The following CELF2 variants were observed in gnomAD, a reference collection of about 807,000 sequenced individuals.
The protein encoded by CELF2 is CUG triplet repeat RNA-binding protein 2.
CELF2 carries 8 observed loss-of-function variants against 62.6 expected under a neutral mutation model. The observed-to-expected ratio is 0.13, with a 90% CI of 0.07 to 0.23. The LOEUF (loss-of-function observed/expected upper bound fraction) is 0.23. Ranked by LOEUF, CELF2 falls within the 10% of genes least tolerant of loss-of-function variation. CELF2 has a pLI of 1.00. For missense variants in CELF2, 333 were observed against 671.0 expected (o/e 0.50, Z 5.56); for synonymous variants, 258 against 250.0 (o/e 1.03, Z -0.30).
At chr10:10,530,212 C>T in the CELF2 span, among the ~76,000 whole-genome samples, 1 of 152,236 alleles carries the variant, frequency 6.6e-6, no homozygotes, top group African/African-American at 2.4e-5. Context: ...GTAGGACGTT[C>T]CCAAAAGTAA....
chr10:11,165,064 A>C lies in CELF2; in HGVS notation c.75-422A>C. 1.0e-6 allele frequency: 1 copy of C among 989,588 alleles called. No individual in the cohort carries two copies. Among genetic ancestry groups the C allele is most frequent in the Non-Finnish European group, 1.2e-6 (1 of 832,280 alleles). The allele number at this position is 989,588 out of a possible 1,614,324, so 61.3% of individuals were successfully genotyped here. A position where few individuals can be genotyped will look rare whatever the true frequency, so the allele number is the denominator to read the frequency against. On this transcript the variant is annotated intron_variant, in intron 1 of 12. Transcript: ENST00000633077. The surrounding 1 kb of genome is among the most constrained non-coding windows in gnomAD (Gnocchi z 7.4). ...GTGGGGCGGGGGGCGGGGCAGGGAG[A>C]GGGAGAGAAATCCAGCAGACATCTA...
intron 8 of CELF2, among the ~76,000 whole-genome samples, chr10:11,284,335 T>G (rs111171595): frequency 6.8e-4 from 70 of 103,510 alleles, no homozygotes; most frequent in South Asian, 1.6e-3. Flanking sequence ...GGGTGGATGA[T>G]GGATGAGTGT....
In CELF2 at chr10:11,333,752, A is replaced by ATTGT. The variant is rs915116406; in HGVS notation, c.*4706_*4709dup. 1 of 152,474 alleles carries ATTGT rather than the reference A, an allele frequency of 6.6e-6. No individual in the cohort carries two copies. The highest frequency in any genetic ancestry group is 1.9e-4 in the East Asian group (1 of 5,204). 9.4% of individuals were successfully genotyped at this position (152,474 alleles called of 1,614,324 possible). ...GTGGAAACTGTAAGACCATTTGAGT[A>ATTGT]TTGTTTGTTTTATTGATGCATTTGG... is the stretch of plus-strand genomic sequence containing the variant. On this transcript the variant is annotated 3_prime_UTR_variant, in exon 13 of 13. Coordinates refer to ENST00000633077, the MANE Select transcript of CELF2 (RefSeq NM_001326342.2).
At chr10:10,609,951 G>A in the CELF2 span, among the ~76,000 whole-genome samples, 8 of 152,204 alleles carry the variant, frequency 5.3e-5, no homozygotes, top group African/African-American at 1.9e-4. Context: ...ACTAATCACT[G>A]TGGTTAAGGA....
chr10:10,634,666 C>CTT, the CELF2 span, among the ~76,000 whole-genome samples: 11,332 of 140,914 alleles, frequency 0.08, 698 homozygotes, highest in East Asian at 0.24. Context: ...CTTTTCTTTT[C>CTT]TTTTTTTTTT....
rs78409578 is a variant in CELF2, at chr10:11,112,062, A to C, written c.75-53424A>C. ...TTTCTGGTCTCCAGTTTTGGCTTTCAAGGAGACCTCTTAGATATTTGTACC... is the reference window on the plus strand; with the variant it reads ...TTTCTGGTCTCCAGTTTTGGCTTTCCAGGAGACCTCTTAGATATTTGTACC... On this transcript the variant is annotated intron_variant, in intron 1 of 12. Transcript: ENST00000633077. 1.0e-3 allele frequency among the ~76,000 whole-genome samples: 156 copies of C among 152,308 alleles called. 2 individuals carry two copies. In the East Asian group the frequency reaches 0.027, roughly 26 times the overall value.
At chr10:11,061,991 T>C (rs971223667) in intron 1 of CELF2, among the ~76,000 whole-genome samples, 4 of 152,204 alleles carry the variant, frequency 2.6e-5, no homozygotes, top group Admixed American at 1.3e-4. Flanking sequence ...TTTGTATTTT[T>C]AGTAGCGACG....
intron 2 of CELF2, among the ~76,000 whole-genome samples, chr10:10,980,874 G>C (rs1479549110): frequency 6.6e-6 from 1 of 151,954 alleles, no homozygotes; most frequent in Non-Finnish European, 1.5e-5. Context: ...TCCCACCTTG[G>C]CCTCCCATTG....
At chr10:10,594,744 C>T in the CELF2 span, among the ~76,000 whole-genome samples, 1 of 152,202 alleles carries the variant, frequency 6.6e-6, no homozygotes, top group African/African-American at 2.4e-5. Flanking sequence ...TCTCTCAACC[C>T]TTAATTCTCA....
At chr10:10,783,987 A>C in the CELF2 span, among the ~76,000 whole-genome samples, 117 of 146,830 alleles carry the variant, frequency 8.0e-4, no homozygotes, top group African/African-American at 2.3e-3. Flanking sequence ...ACTCCTTCCC[A>C]AAAAAAAAAA....
intron 1 of CELF2, among the ~76,000 whole-genome samples, chr10:11,158,524 C>T (rs781075971): frequency 6.6e-6 from 1 of 152,040 alleles, no homozygotes; most frequent in Admixed American, 6.6e-5. Flanking sequence ...AATGAGTTGC[C>T]TGGGTGAGGG....
chr10:11,122,326 A>G (rs1595705294), intron 1 of CELF2, among the ~76,000 whole-genome samples: 1 of 152,228 alleles, frequency 6.6e-6, no homozygotes, highest in East Asian at 1.9e-4. Flanking sequence ...AATGATGGCA[A>G]CCATTAAAAT....
intron 1 of CELF2, among the ~76,000 whole-genome samples, chr10:10,878,959 A>C (rs2061279698): frequency 6.6e-6 from 1 of 152,030 alleles, no homozygotes; most frequent in African/African-American, 2.4e-5. Flanking sequence ...CTAAGATTTC[A>C]TCCTTTACTT....
intron 1 of CELF2, among the ~76,000 whole-genome samples, chr10:11,118,920 C>G (rs2057141495): frequency 6.6e-6 from 1 of 152,214 alleles, no homozygotes; most frequent in Admixed American, 6.5e-5. Flanking sequence ...CTGTGTCACT[C>G]TCTGTGAAAT....
the CELF2 span, among the ~76,000 whole-genome samples, chr10:10,762,546 C>T: frequency 6.6e-6 from 1 of 152,086 alleles, no homozygotes; most frequent in East Asian, 1.9e-4. Context: ...ACACGTAGAT[C>T]GAATTCAAAC....
the CELF2 span, among the ~76,000 whole-genome samples, chr10:10,558,518 C>A: frequency 8.6e-5 from 13 of 152,010 alleles, no homozygotes; most frequent in East Asian, 2.1e-3. Context: ...TGTCTCTGCC[C>A]GGCTTTGGTA....
chr10:10,579,880 C>A, the CELF2 span, among the ~76,000 whole-genome samples: 1 of 151,956 alleles, frequency 6.6e-6, no homozygotes, highest in Non-Finnish European at 1.5e-5. Flanking sequence ...CACTCCCACA[C>A]TCCCAAAACA....
chr10:11,017,904 C>T lies in CELF2; in HGVS notation c.-186C>T, dbSNP rs1413023005. ...CCCGCCGCACCTGGCGCTCGGCAGC[C>T]GGCCGCCCCGGCGCTGGATTTCGGA... On this transcript the variant is annotated 5_prime_UTR_variant, in exon 1 of 13. Transcript: ENST00000633077. This position sits in a 1 kb window ranked among gnomAD's most constrained non-coding sequence, Gnocchi z 5.5. The T allele has an allele frequency of 1.0e-5, 10 of 973,972 alleles. No homozygotes were observed. The highest frequency in any genetic ancestry group is 1.8e-5 in the African/African-American group (1 of 56,614). The allele number at this position is 973,972 out of a possible 1,614,324, so 60.3% of individuals were successfully genotyped here.
chr10:10,825,801 C>T (rs1436594208), intron 1 of CELF2, among the ~76,000 whole-genome samples: 4 of 152,170 alleles, frequency 2.6e-5, no homozygotes. Context: ...CCTCAGTTTC[C>T]TTATCTGCAA....
Sources: allele counts gnomAD v4.1 joint callset (sites outside exome capture counted in the v4.1 genomes callset), GRCh38; gene constraint gnomAD v4.1.1; non-coding constraint Gnocchi (gnomAD v3.1); transcripts MANE v1.5; gene names NCBI Gene and HGNC (gene_info 2026-07-23, HGNC 2026-07-21).